GMDS: variants seen among roughly 807,000 people sequenced by gnomAD.
GMDS encodes the protein GDP-mannose 4,6-dehydratase.
A neutral mutation model predicts 49.9 loss-of-function variants in GMDS; 20 were observed. That is an observed-to-expected ratio of 0.40 (90% CI 0.28 to 0.58). The LOEUF (loss-of-function observed/expected upper bound fraction) is 0.58. GMDS is among the 20% of genes least tolerant of loss of function. The pLI is 0.42. For missense variants in GMDS, 362 were observed against 481.4 expected (o/e 0.75, Z 2.32); for synonymous variants, 177 against 178.6 (o/e 0.99, Z 0.07).
chr6:1,841,750 G>A (rs570134621), intron 7 of GMDS, among the ~76,000 whole-genome samples: 1 of 152,306 alleles, frequency 6.6e-6, no homozygotes, highest in East Asian at 1.9e-4. Flanking sequence ...GACACAGATA[G>A]GAAGGGAGGA....
rs190956002 is a variant in GMDS at position 1,624,773 on chromosome 6, C to T, written c.988-233G>A. 7.8e-5 allele frequency: 38 copies of T among 487,840 alleles called. No individual in the cohort carries two copies. The East Asian group carries it at 1.2e-3, about 16-fold the overall frequency. The allele number at this position is 487,840 out of a possible 1,614,324, so 30.2% of individuals were successfully genotyped here. ...CCGTGAGGACCGTGACCGCGATCCA[C>T]CCCCAGCTACCTCCACACCTCTTCT... On this transcript the variant is annotated intron_variant, in intron 9 of 10. Transcript: ENST00000380815.
intron 7 of GMDS, among the ~76,000 whole-genome samples, chr6:1,767,640 CGAGTCTG>C (rs1768409810): frequency 6.6e-6 from 1 of 152,106 alleles, no homozygotes; most frequent in South Asian, 2.1e-4. Context: ...CTCTGGCAGC[CGAGTCTG>C]GAGCGAGTTT....
At chr6:2,185,185 C>T (rs1778724229) in intron 1 of GMDS, among the ~76,000 whole-genome samples, 1 of 152,192 alleles carries the variant, frequency 6.6e-6, no homozygotes, top group Non-Finnish European at 1.5e-5. Context: ...CCAAATGCAT[C>T]CTAATCAGGG....
At chr6:1,715,411 C>T (rs1189696592) in intron 9 of GMDS, among the ~76,000 whole-genome samples, 1 of 152,188 alleles carries the variant, frequency 6.6e-6, no homozygotes, top group South Asian at 2.1e-4. Context: ...CACATTCATT[C>T]ATTCTTTATC....
At chr6:1,900,546 G>C (rs1048111687) in intron 7 of GMDS, among the ~76,000 whole-genome samples, 2 of 152,178 alleles carry the variant, frequency 1.3e-5, no homozygotes, top group Non-Finnish European at 2.9e-5. Flanking sequence ...TTCTACTGAA[G>C]TATAATATAC....
At chr6:2,061,020 C>CAA (rs1015651288) in intron 4 of GMDS, among the ~76,000 whole-genome samples, 20 of 130,992 alleles carry the variant, frequency 1.5e-4, no homozygotes, top group Admixed American at 8.4e-4. Context: ...TCTAAAAAAA[C>CAA]AAAAAAAAAA....
intron 4 of GMDS, among the ~76,000 whole-genome samples, chr6:2,115,130 G>T (rs1358575157): frequency 6.6e-6 from 1 of 152,114 alleles, no homozygotes; most frequent in Non-Finnish European, 1.5e-5. Flanking sequence ...ATTCATGTGA[G>T]CAGGAGGACA....
intron 9 of GMDS, among the ~76,000 whole-genome samples, chr6:1,664,242 T>C (rs1764171019): frequency 6.6e-6 from 1 of 152,232 alleles, no homozygotes; most frequent in African/African-American, 2.4e-5. Context: ...GCTACTTGAA[T>C]CTTGTGTCAG....
In GMDS at chr6:1,768,760, T is replaced by C. The variant is rs116646186; in HGVS notation, c.772-26174A>G. On this transcript the variant is annotated intron_variant, in intron 7 of 10. Coordinates refer to ENST00000380815, the MANE Select transcript of GMDS (RefSeq NM_001500.4). ...CATTTCTGTTCCCAAGCATTTCAGATAAGGAATACTCAATCTATATATTTT... is the reference window on the plus strand; with the variant it reads ...CATTTCTGTTCCCAAGCATTTCAGACAAGGAATACTCAATCTATATATTTT... Among the ~76,000 whole-genome samples the C allele has an allele frequency of 3.1e-3, 466 of 152,382 alleles. 4 individuals carry two copies. Among genetic ancestry groups the C allele is most frequent in the African/African-American group, 0.011 (448 of 41,598 alleles).
Position 2,243,840 on chromosome 6 carries a change from C to CTTTTTTTTTTTTTTTT in GMDS, c.102+1480_102+1481insAAAAAAAAAAAAAAAA, listed in dbSNP as rs1781725608. On this transcript the variant is annotated intron_variant, in intron 1 of 10. Transcript: ENST00000380815. ...TGCATCTGGCCAATTTCAACTTCTC[C>CTTTTTTTTTTTTTTTT]TTCTTTTTTTTTTTTTTTTTTTTTT... Among the ~76,000 whole-genome samples, 2 of 127,128 alleles carry CTTTTTTTTTTTTTTTT rather than the reference C, an allele frequency of 1.6e-5. 1 individual carries two copies. Among genetic ancestry groups the CTTTTTTTTTTTTTTTT allele is most frequent in the Non-Finnish European group, 3.2e-5 (2 of 63,360 alleles). The allele number at this position is 127,128 out of a possible 152,430, so 83.4% of individuals were successfully genotyped here.
intron 7 of GMDS, among the ~76,000 whole-genome samples, chr6:1,848,186 A>G (rs1268572657): frequency 6.6e-6 from 1 of 152,148 alleles, no homozygotes; most frequent in Non-Finnish European, 1.5e-5. Context: ...TAAAATCTCC[A>G]AGACCAGGTC....
chr6:2,107,003 TAATA>T (rs1774282328), intron 4 of GMDS, among the ~76,000 whole-genome samples: 1 of 152,222 alleles, frequency 6.6e-6, no homozygotes, highest in African/African-American at 2.4e-5. Flanking sequence ...AATTTTAGCT[TAATA>T]TATATAAAAT....
At chr6:2,242,137 A>C (rs1171367347) in intron 1 of GMDS, among the ~76,000 whole-genome samples, 1 of 152,258 alleles carries the variant, frequency 6.6e-6, no homozygotes, top group Non-Finnish European at 1.5e-5. Flanking sequence ...TGCATTTATC[A>C]GGATTAGGCT....
intron 7 of GMDS, among the ~76,000 whole-genome samples, chr6:1,915,357 G>A (rs1231312445): frequency 6.6e-6 from 1 of 152,212 alleles, no homozygotes; most frequent in African/African-American, 2.4e-5. Flanking sequence ...AAGTGGCCAG[G>A]AGAGTAGGGC....
At chr6:2,242,502 A>G (rs1427325147) in intron 1 of GMDS, among the ~76,000 whole-genome samples, 1 of 152,230 alleles carries the variant, frequency 6.6e-6, no homozygotes, top group African/African-American at 2.4e-5. Context: ...GGCTGTCCGC[A>G]CTATTCTCAA....
intron 1 of GMDS, among the ~76,000 whole-genome samples, chr6:2,126,440 A>C (rs1775445781): frequency 6.6e-6 from 1 of 152,202 alleles, no homozygotes; most frequent in African/African-American, 2.4e-5. Flanking sequence ...GGGAAAAAAA[A>C]ACAAAAAACC....
intron 7 of GMDS, among the ~76,000 whole-genome samples, chr6:1,770,867 A>ACT (rs1561793613): frequency 6.6e-6 from 1 of 152,232 alleles, no homozygotes; most frequent in Non-Finnish European, 1.5e-5. Context: ...ATAAGAAAGA[A>ACT]AACTGCCAAG....
At chr6:1,667,248 T>C (rs1581433025) in intron 9 of GMDS, among the ~76,000 whole-genome samples, 1 of 152,140 alleles carries the variant, frequency 6.6e-6, no homozygotes, top group Non-Finnish European at 1.5e-5. Context: ...AAAAATGAAA[T>C]TGCCCCAGCT....
chr6:1,879,152 A>G (rs1242781650), intron 7 of GMDS, among the ~76,000 whole-genome samples: 1 of 152,268 alleles, frequency 6.6e-6, no homozygotes, highest in Non-Finnish European at 1.5e-5. Context: ...AAATTTCATT[A>G]CAGACATGGA....
Sources: gnomAD v4.1 joint callset for allele counts (sites outside exome capture counted in the v4.1 genomes callset) on GRCh38, gnomAD v4.1.1 for gene constraint, MANE v1.5 for transcripts, NCBI Gene and HGNC (gene_info 2026-07-23, HGNC 2026-07-21) for gene names.